Variants in PCDH9 observed in about 807,000 individuals in gnomAD.
PCDH9 encodes protocadherin-9.
Under a neutral mutation model 70.6 loss-of-function variants are expected in PCDH9, and 24 were observed. That is an observed-to-expected ratio of 0.34 (90% CI 0.25 to 0.48). The LOEUF is 0.48. Among genes scored for constraint, PCDH9 ranks in the 20% least tolerant of loss-of-function variants. PCDH9 has a pLI of 0.99. For synonymous variants in PCDH9, 562 were observed against 558.5 expected (o/e 1.01, Z -0.09); for missense variants, 1,281 against 1,503.6 (o/e 0.85, Z 2.45).
chr13:66,935,433 T>C (rs2082900289), intron 2 of PCDH9, among the ~76,000 whole-genome samples: 1 of 152,074 alleles, frequency 6.6e-6, no homozygotes, highest in Non-Finnish European at 1.5e-5. Context: ...AACGCAAGGG[T>C]CTCTGTGTTT....
intron 2 of PCDH9, among the ~76,000 whole-genome samples, chr13:67,084,889 C>A (rs1334218065): frequency 3.6e-5 from 5 of 138,514 alleles, no homozygotes. Context: ...ATCGCTTAAA[C>A]CCGGAAGGTG....
At chr13:66,445,832 A>ACG (rs1958078638) in intron 4 of PCDH9, among the ~76,000 whole-genome samples, 1 of 147,332 alleles carries the variant, frequency 6.8e-6, no homozygotes, top group East Asian at 2.0e-4. Context: ...ATATACACAC[A>ACG]CACACACAAG....
chr13:66,463,891 T>C (rs978796288), intron 4 of PCDH9, among the ~76,000 whole-genome samples: 1 of 151,820 alleles, frequency 6.6e-6, no homozygotes, highest in Non-Finnish European at 1.5e-5. Context: ...AATCTACATA[T>C]GATGCTGCAT....
chr13:66,693,494 A>G lies in PCDH9; in HGVS notation c.3139-62083T>C, dbSNP rs183438096. 2.6e-3 allele frequency among the ~76,000 whole-genome samples: 395 copies of G among 152,312 alleles called. 4 individuals carry two copies. The highest frequency in any genetic ancestry group is 0.014 in the Middle Eastern group (4 of 294). On this transcript the variant is annotated intron_variant, in intron 3 of 4. Coordinates refer to ENST00000377865, the MANE Select transcript of PCDH9 (RefSeq NM_203487.3). The stretch of plus-strand genomic sequence containing the variant: ...AAAAACTTGGTGATAAAATTAGTAA[A>G]TGATCATAATTCATGATTTTATGAA...
chr13:67,025,281 C>T (rs1269144398), intron 2 of PCDH9, among the ~76,000 whole-genome samples: 2 of 151,996 alleles, frequency 1.3e-5, no homozygotes, highest in Admixed American at 1.3e-4. Context: ...GGTACACTTC[C>T]TTATTAGAAT....
At chr13:67,132,816 T>A (rs185885781) in intron 2 of PCDH9, among the ~76,000 whole-genome samples, 106 of 152,232 alleles carry the variant, frequency 7.0e-4, no homozygotes, top group South Asian at 1.0e-3. Flanking sequence ...AATTGTTATA[T>A]CATATAGAAT....
chr13:66,831,920 G>A (rs1371642551), intron 3 of PCDH9, among the ~76,000 whole-genome samples: 3 of 152,052 alleles, frequency 2.0e-5, no homozygotes, highest in Admixed American at 6.5e-5. Context: ...GTGCCAAAAT[G>A]TCTGCATAAT....
intron 2 of PCDH9, among the ~76,000 whole-genome samples, chr13:67,113,989 G>A (rs1370883636): frequency 6.6e-6 from 1 of 152,170 alleles, no homozygotes; most frequent in Non-Finnish European, 1.5e-5. Context: ...TATATGCCAA[G>A]TCTTATTTAC....
intron 2 of PCDH9, among the ~76,000 whole-genome samples, chr13:67,066,422 CG>C (rs2085649303): frequency 6.6e-6 from 1 of 151,776 alleles, no homozygotes; most frequent in South Asian, 2.1e-4. Context: ...TTGGTAGAGA[CG>C]GGGTTTCACC....
chr13:67,222,299 A>T (rs1309514123), intron 2 of PCDH9: 2 of 151,198 alleles, frequency 1.3e-5, no homozygotes, highest in African/African-American at 4.8e-5. Context: ...AAAAAAAAAA[A>T]GTAAATTCTT....
chr13:67,045,491 C>T (rs1482057757), intron 2 of PCDH9, among the ~76,000 whole-genome samples: 1 of 151,838 alleles, frequency 6.6e-6, no homozygotes, highest in Non-Finnish European at 1.5e-5. Flanking sequence ...CTCTCATTTC[C>T]ACTTTAGATC....
At chr13:66,707,624 G>A (rs545515394) in intron 3 of PCDH9, among the ~76,000 whole-genome samples, 9 of 152,292 alleles carry the variant, frequency 5.9e-5, no homozygotes, top group Admixed American at 4.6e-4. Flanking sequence ...AACCCAGAGA[G>A]ATTATCAAGA....
chr13:67,178,260 A>T (rs866943251), intron 2 of PCDH9, among the ~76,000 whole-genome samples: 1 of 152,066 alleles, frequency 6.6e-6, no homozygotes, highest in South Asian at 2.1e-4. Context: ...GTCAAACTAA[A>T]ATATGTTAGA....
intron 3 of PCDH9, among the ~76,000 whole-genome samples, chr13:66,734,563 C>T (rs1485522781): frequency 1.2e-4 from 19 of 152,158 alleles, no homozygotes; most frequent in Non-Finnish European, 2.9e-5. Context: ...ATTTGGCTAA[C>T]TCTGGGTAAC....
chr13:66,306,412 C>T (rs1016336987), intron 4 of PCDH9: 1 of 150,314 alleles, frequency 6.7e-6, no homozygotes, highest in South Asian at 2.1e-4. Flanking sequence ...AAAATAGATA[C>T]AGAATGTAGT....
chr13:66,901,898 C>T (rs919360926), intron 3 of PCDH9, among the ~76,000 whole-genome samples: 2 of 151,570 alleles, frequency 1.3e-5, no homozygotes, highest in Admixed American at 1.3e-4. Context: ...TAAACACAAA[C>T]ATAAAATGTT....
At chr13:66,718,028 T>G (rs2078894177) in intron 3 of PCDH9, among the ~76,000 whole-genome samples, 1 of 152,130 alleles carries the variant, frequency 6.6e-6, no homozygotes, top group South Asian at 2.1e-4. Context: ...AAAAAACAGT[T>G]GAAAAAGGGT....
chr13:66,935,450 C>T (rs74093665), intron 2 of PCDH9, among the ~76,000 whole-genome samples: 11,684 of 152,138 alleles, frequency 0.077, 879 homozygotes, highest in African/African-American at 0.2. Context: ...GTTTCCCTAT[C>T]TTTACTGAAA....
intron 3 of PCDH9, among the ~76,000 whole-genome samples, chr13:66,895,560 G>T (rs1315285941): frequency 6.6e-6 from 1 of 152,176 alleles, no homozygotes; most frequent in East Asian, 1.9e-4. Flanking sequence ...ATTAGTATCT[G>T]TGCACATGTG....
Sources: gnomAD v4.1 joint callset for allele counts (sites outside exome capture counted in the v4.1 genomes callset) on GRCh38, gnomAD v4.1.1 for gene constraint, MANE v1.5 for transcripts, NCBI Gene and HGNC (gene_info 2026-07-23, HGNC 2026-07-21) for gene names.